The following ATXN1 variants were observed in gnomAD, a reference collection of about 807,000 sequenced individuals.
ATXN1 encodes the protein ataxin 1.
In ATXN1, 8 loss-of-function variants were observed where a neutral mutation model predicts 56.4. The observed-to-expected ratio is 0.14, with a 90% CI of 0.08 to 0.26. The LOEUF is 0.26. ATXN1 is among the 10% of genes least tolerant of loss of function. The pLI, the probability that ATXN1 is intolerant of heterozygous loss-of-function variation, is 1.00. For synonymous variants in ATXN1, 514 were observed against 494.6 expected (o/e 1.04, Z -0.52); for missense variants, 987 against 1,106.5 (o/e 0.89, Z 1.53).
chr6:16,712,428 G>T (rs1050611839), intron 2 of ATXN1, among the ~76,000 whole-genome samples: 1 of 152,136 alleles, frequency 6.6e-6, no homozygotes, highest in Non-Finnish European at 1.5e-5. Flanking sequence ...GGGGAAGAAC[G>T]GTGGTCTGCT....
At position 16,533,823 on chromosome 6, in the gene ATXN1, T is replaced by G. The variant is rs147863479; in HGVS notation, c.-360-11135A>C. ...CTCTGAGTCTAATTCGGCATAACAC[T>G]TAACACCATATACCATGCACAAGAG... On this transcript the variant is annotated intron_variant, in intron 4 of 7. Transcript: ENST00000436367. Among the ~76,000 whole-genome samples, 263 of 152,212 alleles carry G rather than the reference T, an allele frequency of 1.7e-3. 1 individual carries two copies. Among genetic ancestry groups the G allele is most frequent in the African/African-American group, 5.9e-3 (243 of 41,524 alleles).
intron 3 of ATXN1, among the ~76,000 whole-genome samples, chr6:16,588,011 C>T (rs1434250974): frequency 6.6e-6 from 1 of 151,818 alleles, no homozygotes; most frequent in African/African-American, 2.4e-5. Context: ...ATTGTGATGT[C>T]ATCCTCATCT....
chr6:16,595,167 C>T (rs1762793137), intron 3 of ATXN1, among the ~76,000 whole-genome samples: 1 of 152,116 alleles, frequency 6.6e-6, no homozygotes, highest in African/African-American at 2.4e-5. Context: ...CTATTAGAAG[C>T]AGAGGAAGAG....
rs576631860 is a variant in ATXN1, at chr6:16,548,805, C to A, written c.-360-26117G>T. On this transcript the variant is annotated intron_variant, in intron 4 of 7. Transcript: ENST00000436367. ...CGGCGTGGTGGTGCATGCCTGTAAT[C>A]CCAGCTACTCAGGAGGCTGAGGCAG... 6.8e-4 allele frequency among the ~76,000 whole-genome samples: 104 copies of A among 152,136 alleles called. 1 individual carries two copies. The highest frequency in any genetic ancestry group is 2.5e-3 in the African/African-American group (102 of 41,504).
chr6:16,709,027 A>C, intron 2 of ATXN1, among the ~76,000 whole-genome samples: 1 of 36,186 alleles, frequency 2.8e-5, no homozygotes. Context: ...CTCTGTCTCA[A>C]AAAAAAAAAA....
intron 6 of ATXN1, among the ~76,000 whole-genome samples, chr6:16,366,794 A>AG (rs1561868979): frequency 6.6e-6 from 1 of 151,710 alleles, no homozygotes; most frequent in African/African-American, 2.4e-5. Flanking sequence ...AAAAAAAAAA[A>AG]AGAAAAAGAA....
At chr6:16,321,596 C>T (rs2237224) in intron 7 of ATXN1, among the ~76,000 whole-genome samples, 27,637 of 152,228 alleles carry the variant, frequency 0.18, 2,693 homozygotes, top group African/African-American at 0.25. Context: ...GGGATAGTGA[C>T]AAACACGGAA....
chr6:16,750,821 G>A (rs999210319), intron 2 of ATXN1, among the ~76,000 whole-genome samples: 25 of 151,956 alleles, frequency 1.6e-4, no homozygotes, highest in African/African-American at 5.1e-4. Context: ...AAAAATGCAC[G>A]TGTACTCAAC....
intron 4 of ATXN1, among the ~76,000 whole-genome samples, chr6:16,554,221 T>G (rs1490408194): frequency 6.6e-6 from 1 of 152,230 alleles, no homozygotes; most frequent in Non-Finnish European, 1.5e-5. Flanking sequence ...GTATAACAAG[T>G]GATTCATGGA....
chr6:16,463,626 T>C (rs1347220999), intron 6 of ATXN1, among the ~76,000 whole-genome samples: 1 of 152,214 alleles, frequency 6.6e-6, no homozygotes, highest in Non-Finnish European at 1.5e-5. Flanking sequence ...AAAGGAAGAC[T>C]CTGCACCTTC....
intron 2 of ATXN1, among the ~76,000 whole-genome samples, chr6:16,714,951 G>A (rs1324327449): frequency 6.6e-6 from 1 of 152,042 alleles, no homozygotes; most frequent in Non-Finnish European, 1.5e-5. Flanking sequence ...CTGTTGCTTT[G>A]GGCATGAAAC....
chr6:16,583,919 T>C (rs1182324593), intron 4 of ATXN1, among the ~76,000 whole-genome samples: 2 of 152,204 alleles, frequency 1.3e-5, no homozygotes, highest in African/African-American at 4.8e-5. Flanking sequence ...CTATGGTTCA[T>C]GCCAATACCC....
chr6:16,573,047 G>C (rs1451597557), intron 4 of ATXN1, among the ~76,000 whole-genome samples: 1 of 152,186 alleles, frequency 6.6e-6, no homozygotes, highest in Non-Finnish European at 1.5e-5. Context: ...GCTACTGCTA[G>C]GAACAGAGTA....
intron 2 of ATXN1, among the ~76,000 whole-genome samples, chr6:16,686,287 T>C (rs561972788): frequency 2.1e-4 from 32 of 152,264 alleles, no homozygotes; most frequent in African/African-American, 7.0e-4. Flanking sequence ...TCCTTCCAGG[T>C]CTTTCCTAAA....
chr6:16,582,603 C>A (rs1762549679), intron 4 of ATXN1, among the ~76,000 whole-genome samples: 1 of 152,096 alleles, frequency 6.6e-6, no homozygotes, highest in South Asian at 2.1e-4. Context: ...TACATGAATG[C>A]AAAAATGGTG....
rs1006972158 is a variant in ATXN1, at chr6:16,410,747, T to C, written c.-161+75225A>G. 2.0e-5 allele frequency among the ~76,000 whole-genome samples: 3 copies of C among 152,176 alleles called. No individual in the cohort carries two copies. The highest frequency in any genetic ancestry group is 7.2e-5 in the African/African-American group (3 of 41,446). ...CTATTCAGGTCATATACAACATCCG[T>C]GGAGCAAAGTGAATTTGAAGTTAAG... is the stretch of plus-strand genomic sequence containing the variant. On this transcript the variant is annotated intron_variant, in intron 6 of 7. Coordinates refer to ENST00000436367, the MANE Select transcript of ATXN1 (RefSeq NM_001128164.2). The surrounding 1 kb of genome is among the most constrained non-coding windows in gnomAD (Gnocchi z 4.6).
At chr6:16,485,900 C>T (rs570183926) in intron 6 of ATXN1, 72 bp downstream of exon 6, 10 of 152,302 alleles carry the variant, frequency 6.6e-5, no homozygotes, top group Admixed American at 3.9e-4. Flanking sequence ...ACACCTGGCT[C>T]GGTTACATCA....
chr6:16,441,624 AC>A (rs1759518480), intron 6 of ATXN1, among the ~76,000 whole-genome samples: 1 of 152,178 alleles, frequency 6.6e-6, no homozygotes, highest in South Asian at 2.1e-4. Context: ...CCCAATAAAA[AC>A]ATTCAGAAAT....
chr6:16,375,192 G>C (rs1762119901), intron 6 of ATXN1, among the ~76,000 whole-genome samples: 1 of 152,206 alleles, frequency 6.6e-6, no homozygotes. Flanking sequence ...CAAGGAGAAA[G>C]GAGTCACAAA....
Sources: gnomAD v4.1 joint callset for allele counts (sites outside exome capture counted in the v4.1 genomes callset) on GRCh38, gnomAD v4.1.1 for gene constraint, Gnocchi (gnomAD v3.1) non-coding constraint, MANE v1.5 for transcripts, NCBI Gene and HGNC (gene_info 2026-07-23, HGNC 2026-07-21) for gene names.